CLVS1: variants seen among roughly 807,000 people sequenced by gnomAD.
CLVS1 encodes clavesin-1.
CLVS1 carries 10 observed loss-of-function variants against 33.1 expected under a neutral mutation model. The observed-to-expected ratio is 0.30, with a 90% confidence interval of 0.19 to 0.51. The LOEUF is 0.51. Among genes scored for constraint, CLVS1 ranks in the 20% least tolerant of loss-of-function variants. The pLI is 0.97. For missense variants in CLVS1, 343 were observed against 433.4 expected (o/e 0.79, Z 1.85); for synonymous variants, 163 against 166.1 (o/e 0.98, Z 0.14).
chr8:61,170,286 G>T (rs1806966646), intron 2 of CLVS1, among the ~76,000 whole-genome samples: 1 of 152,058 alleles, frequency 6.6e-6, no homozygotes, highest in Non-Finnish European at 1.5e-5. Context: ...CACAGCATCA[G>T]CTTGTGTCTA....
intron 2 of CLVS1, among the ~76,000 whole-genome samples, chr8:61,133,285 C>T (rs374477910): frequency 2.8e-4 from 42 of 152,220 alleles, no homozygotes; most frequent in South Asian, 1.2e-3. Context: ...GTCAATTCTG[C>T]ACAGGAGGGT....
At chr8:61,013,667 T>C in the CLVS1 span, among the ~76,000 whole-genome samples, 2 of 152,360 alleles carry the variant, frequency 1.3e-5, no homozygotes, top group Admixed American at 6.5e-5. Context: ...TCTGCAAATC[T>C]GCACGTGTCA....
At position 61,451,810 on chromosome 8, in the gene CLVS1, C is replaced by CAGAGAGAGAG. The variant is rs545429020; in HGVS notation, c.631-2330_631-2329insGAGAGAGAGA. 7.9e-3 allele frequency among the ~76,000 whole-genome samples: 1,084 copies of CAGAGAGAGAG among 137,310 alleles called. 7 individuals carry two copies. The highest frequency in any genetic ancestry group is 0.011 in the Non-Finnish European group (749 of 66,270). The allele number at this position is 137,310 out of a possible 152,430, so 90.1% of individuals were successfully genotyped here. ...CCCCTCTGTACAAAACACACACACA[C>CAGAGAGAGAG]ACAGAGAGAGAGAGAGAGAGAGAGA... On this transcript the variant is annotated intron_variant, in intron 3 of 5. Coordinates refer to ENST00000325897, the MANE Select transcript of CLVS1 (RefSeq NM_173519.3).
At position 61,463,497 on chromosome 8, in the gene CLVS1, C is replaced by T. The variant is rs189443094; in HGVS notation, c.977+4955C>T. ...CTAGCTTTTGGTTTAAAATGAGAGA[C>T]GTGCAACTCTTCCTTTCACTTAAAC... is the stretch of plus-strand genomic sequence containing the variant. On this transcript the variant is annotated intron_variant, in intron 5 of 5. Transcript: ENST00000325897. Among the ~76,000 whole-genome samples the T allele has an allele frequency of 3.9e-4, 59 of 152,222 alleles. 1 individual carries two copies. Among genetic ancestry groups the T allele is most frequent in the Admixed American group, 3.1e-3 (47 of 15,282 alleles).
rs1179855381 is a variant in CLVS1, at chr8:61,457,651, G to T, written c.742-656G>T. Among the ~76,000 whole-genome samples, 5 of 152,100 alleles carry T rather than the reference G, an allele frequency of 3.3e-5. No homozygotes were observed. The South Asian group carries it at 8.3e-4, about 25-fold the overall frequency. ...AAGAATTGATTTTCTTCTACCTTGT[G>T]CCCACATCACCCTAGGAGCTAAGAA... On this transcript the variant is annotated intron_variant, in intron 4 of 5. Coordinates refer to ENST00000325897, the MANE Select transcript of CLVS1 (RefSeq NM_173519.3).
At chr8:61,017,680 T>C in the CLVS1 span, among the ~76,000 whole-genome samples, 1 of 152,180 alleles carries the variant, frequency 6.6e-6, no homozygotes, top group African/African-American at 2.4e-5. Flanking sequence ...CTGAAAAGTA[T>C]CCCCAGAAAG....
intron 3 of CLVS1, among the ~76,000 whole-genome samples, chr8:61,453,267 TATA>T (rs1817028156): frequency 2.6e-5 from 4 of 152,102 alleles, no homozygotes. Context: ...GACCTGGTCT[TATA>T]AGACTAGCTC....
intron 1 of CLVS1, among the ~76,000 whole-genome samples, chr8:61,097,732 A>G (rs1805378439): frequency 6.6e-6 from 1 of 152,130 alleles, no homozygotes; most frequent in African/African-American, 2.4e-5. Flanking sequence ...ATCTGCTATT[A>G]TCTATGTTGG....
rs1446006191 is a variant in CLVS1, at chr8:61,448,912, CTG to C, written c.631-5227_631-5226del. Among the ~76,000 whole-genome samples the C allele has an allele frequency of 5.9e-5, 9 of 152,216 alleles. 1 individual carries two copies. The highest frequency in any genetic ancestry group is 2.1e-4 in the South Asian group (1 of 4,826). ...GTCATCTGGTGTTGTCCTCTATTGA[CTG>C]TCATTTTTTATTTAATTTGAGATCT... On this transcript the variant is annotated intron_variant, in intron 3 of 5. Transcript: ENST00000325897.
chr8:61,041,052 G>T, the CLVS1 span, among the ~76,000 whole-genome samples: 1 of 151,944 alleles, frequency 6.6e-6, no homozygotes, highest in African/African-American at 2.4e-5. Context: ...TTTGCATATG[G>T]CTAGCCAGCT....
intron 2 of CLVS1, among the ~76,000 whole-genome samples, chr8:61,203,688 A>G (rs1299323792): frequency 6.6e-6 from 1 of 152,240 alleles, no homozygotes; most frequent in African/African-American, 2.4e-5. Flanking sequence ...TCAAGCTCAC[A>G]TGGAACTGTT....
intron 2 of CLVS1, among the ~76,000 whole-genome samples, chr8:61,226,758 T>C (rs773129377): frequency 9.2e-5 from 14 of 152,034 alleles, no homozygotes; most frequent in Non-Finnish European, 1.3e-4. Context: ...GGGAAGAGGG[T>C]CAAACTGGGG....
chr8:61,461,127 G>T (rs780081082), intron 5 of CLVS1, among the ~76,000 whole-genome samples: 1 of 152,110 alleles, frequency 6.6e-6, no homozygotes, highest in Non-Finnish European at 1.5e-5. Flanking sequence ...ATAAATTAGG[G>T]CATGAACAAG....
chr8:61,176,122 C>T (rs1243102348), intron 2 of CLVS1, among the ~76,000 whole-genome samples: 1 of 152,190 alleles, frequency 6.6e-6, no homozygotes, highest in African/African-American at 2.4e-5. Flanking sequence ...CTCTCTCATA[C>T]TGGGTTTGGA....
intron 4 of CLVS1, among the ~76,000 whole-genome samples, chr8:61,456,467 A>G (rs897974008): frequency 6.6e-6 from 1 of 152,210 alleles, no homozygotes; most frequent in Non-Finnish European, 1.5e-5. Flanking sequence ...TGATATTTTG[A>G]TATACTTTCT....
chr8:61,441,620 G>A (rs1189326787), intron 3 of CLVS1, among the ~76,000 whole-genome samples: 1 of 152,124 alleles, frequency 6.6e-6, no homozygotes, highest in Non-Finnish European at 1.5e-5. Flanking sequence ...TTAGAAAATG[G>A]CACTAGTTAA....
intron 5 of CLVS1, among the ~76,000 whole-genome samples, chr8:61,483,642 C>T (rs984925996): frequency 1.3e-5 from 2 of 151,896 alleles, no homozygotes; most frequent in African/African-American, 4.8e-5. Flanking sequence ...AGAGACACAA[C>T]AAAAAAAGAG....
chr8:61,124,249 C>T (rs973258881), intron 1 of CLVS1, among the ~76,000 whole-genome samples: 14 of 151,994 alleles, frequency 9.2e-5, no homozygotes, highest in African/African-American at 3.1e-4. Flanking sequence ...CGAATTAAAG[C>T]GAGGAATATA....
In CLVS1 at chr8:61,499,795, TTCTC is replaced by T. The variant is rs2129609085; in HGVS notation, c.*254_*257del. 3.5e-6 allele frequency: 1 copy of T among 285,420 alleles called. No individual in the cohort carries two copies. The highest frequency in any genetic ancestry group is 1.4e-4 in the South Asian group (1 of 7,374). 17.7% of individuals were successfully genotyped at this position (285,420 alleles called of 1,614,324 possible). A position where few individuals can be genotyped will look rare whatever the true frequency, so the allele number is the denominator to read the frequency against. ...ATGCAAGGCATTTATGTAAAAAAGA[TTCTC>T]CCTCCTTTCATATTTATTGTAGTAA... On this transcript the variant is annotated 3_prime_UTR_variant, in exon 6 of 6. Transcript: ENST00000325897.
Sources: gnomAD v4.1 joint callset for allele counts (sites outside exome capture counted in the v4.1 genomes callset) on GRCh38, gnomAD v4.1.1 for gene constraint, MANE v1.5 for transcripts, NCBI Gene and HGNC (gene_info 2026-07-23, HGNC 2026-07-21) for gene names.